The following PIAS2 variants were observed in gnomAD, a reference collection of about 807,000 sequenced individuals.
PIAS2 encodes the protein protein inhibitor of activated STAT 2.
Under a neutral mutation model 69.7 loss-of-function variants are expected in PIAS2, and 19 were observed. The ratio of observed to expected loss-of-function variants is 0.27; its 90% CI spans 0.19 to 0.40. The LOEUF (loss-of-function observed/expected upper bound fraction) is 0.40, where lower values mean the gene tolerates loss of function less well. Ranked by LOEUF, PIAS2 falls within the 10% of genes least tolerant of loss-of-function variation. The pLI is 1.00. For missense variants in PIAS2, 624 were observed against 757.0 expected (o/e 0.82, Z 2.06); for synonymous variants, 261 against 263.2 (o/e 0.99, Z 0.08).
At position 46,806,178 on chromosome 18, in the gene PIAS2, G is replaced by A. The variant is rs1054486099; in HGVS notation, c.*6255C>T. The A allele has an allele frequency of 2.6e-5, 4 of 151,964 alleles. No homozygotes were observed. Among genetic ancestry groups the A allele is most frequent in the Non-Finnish European group, 5.9e-5 (4 of 68,018 alleles). 9.4% of individuals were successfully genotyped at this position (151,964 alleles called of 1,614,324 possible). ...TTAACGTCACTTCAGTTTACGCAGAGAGCTTTTGGGGTAAGTCTAGGTCAG... is the reference window on the plus strand; with the variant it reads ...TTAACGTCACTTCAGTTTACGCAGAAAGCTTTTGGGGTAAGTCTAGGTCAG... On this transcript the variant is annotated 3_prime_UTR_variant, in exon 14 of 14. Coordinates refer to ENST00000585916, the MANE Select transcript of PIAS2 (RefSeq NM_004671.5).
intron 1 of PIAS2, among the ~76,000 whole-genome samples, chr18:46,911,488 T>A (rs1219952442): frequency 6.6e-6 from 1 of 152,064 alleles, no homozygotes; most frequent in Non-Finnish European, 1.5e-5. Context: ...AGTGCTGGGC[T>A]TACAGACGTG....
Position 46,804,123 on chromosome 18 carries a change from A to T in PIAS2, c.*8310T>A, listed in dbSNP as rs1599191738. The T allele has an allele frequency of 6.6e-6, 1 of 152,256 alleles. No individual in the cohort carries two copies. The highest frequency in any genetic ancestry group is 1.9e-4 in the East Asian group (1 of 5,184). The allele number at this position is 152,256 out of a possible 1,614,324, so 9.4% of individuals were successfully genotyped here. On this transcript the variant is annotated 3_prime_UTR_variant, in exon 14 of 14. Transcript: ENST00000585916. ...ATGGTTATCCACCATTTCTTCATCC[A>T]CCAATATTTACTGGGCACCTTCTAT...
intron 5 of PIAS2, among the ~76,000 whole-genome samples, chr18:46,850,098 T>C (rs550307201): frequency 6.6e-6 from 1 of 152,288 alleles, no homozygotes; most frequent in East Asian, 1.9e-4. Context: ...TGTTGAAAAT[T>C]TTAAACATAT....
chr18:46,818,618 CATAAAA>C (rs1257241592), intron 12 of PIAS2, among the ~76,000 whole-genome samples: 5 of 151,814 alleles, frequency 3.3e-5, no homozygotes, highest in African/African-American at 1.2e-4. Flanking sequence ...AAAAATTATG[CATAAAA>C]ATAAAACCAA....
At chr18:46,817,259 A>G in intron 12 of PIAS2, 3 of 984,302 alleles carry the variant, frequency 3.0e-6, no homozygotes, top group South Asian at 4.7e-5. Flanking sequence ...AGTATTGACA[A>G]TGGTGTTGGA....
At chr18:46,852,309 G>GA (rs2047083121) in intron 5 of PIAS2, among the ~76,000 whole-genome samples, 1 of 152,164 alleles carries the variant, frequency 6.6e-6, no homozygotes, top group Non-Finnish European at 1.5e-5. Flanking sequence ...GACTCTTTGG[G>GA]AAAGGCAGGC....
At chr18:46,915,152 C>A (rs997465877) in intron 1 of PIAS2, 27 of 151,992 alleles carry the variant, frequency 1.8e-4, no homozygotes, top group African/African-American at 6.0e-4. Context: ...GATTAAAAAT[C>A]TTAGCTTTTC....
At chr18:46,846,686 C>A in intron 6 of PIAS2, 21 bp downstream of exon 6, 1 of 1,600,058 alleles carries the variant, frequency 6.2e-7, no homozygotes, top group Non-Finnish European at 8.5e-7. Context: ...TGTCCTGCTA[C>A]CCAAAACGGA....
At chr18:46,821,135 T>C (rs2042128018) in intron 11 of PIAS2, 63 bp from the exon 12 acceptor site, 3 of 1,556,972 alleles carry the variant, frequency 1.9e-6, no homozygotes, top group African/African-American at 2.7e-5. Context: ...AGAGAAGAGC[T>C]GCACCACTGG....
chr18:46,824,692 T>C (rs944393088), intron 11 of PIAS2, among the ~76,000 whole-genome samples: 4 of 152,030 alleles, frequency 2.6e-5, no homozygotes, highest in Admixed American at 2.6e-4. Context: ...AAAATAATAA[T>C]ACCTCTTAAA....
intron 2 of PIAS2, among the ~76,000 whole-genome samples, chr18:46,885,905 T>C (rs1300358390): frequency 1.3e-5 from 2 of 152,214 alleles, no homozygotes. Flanking sequence ...AAAAGTTTTA[T>C]TTTAGTAAAT....
rs1024943091 is a variant in PIAS2, at chr18:46,803,753, A to T, written c.*8680T>A. The T allele has an allele frequency of 1.3e-5, 2 of 152,232 alleles. No individual in the cohort carries two copies. The highest frequency in any genetic ancestry group is 4.8e-5 in the African/African-American group (2 of 41,454). The allele number at this position is 152,232 out of a possible 1,614,324, so 9.4% of individuals were successfully genotyped here. ...ACCTGACCCAGATAAGGTGGTCCTC[A>T]GTACATAACCTAGAGTAGATCATAT... On this transcript the variant is annotated 3_prime_UTR_variant, in exon 14 of 14. Coordinates refer to ENST00000585916, the MANE Select transcript of PIAS2 (RefSeq NM_004671.5).
chr18:46,835,166 A>G (rs1220592827), intron 9 of PIAS2, among the ~76,000 whole-genome samples: 2 of 152,236 alleles, frequency 1.3e-5, no homozygotes, highest in African/African-American at 4.8e-5. Flanking sequence ...TAAAAATGGT[A>G]ATAATCATCT....
At chr18:46,894,242 C>T (rs1030423768) in intron 1 of PIAS2, among the ~76,000 whole-genome samples, 1 of 152,136 alleles carries the variant, frequency 6.6e-6, no homozygotes, top group Non-Finnish European at 1.5e-5. Flanking sequence ...CTTACCAGAT[C>T]CCACTTCCTC....
intron 2 of PIAS2, among the ~76,000 whole-genome samples, chr18:46,864,981 G>T (rs1188533481): frequency 6.6e-6 from 1 of 151,932 alleles, no homozygotes; most frequent in Non-Finnish European, 1.5e-5. Flanking sequence ...ACTCATATAA[G>T]AAAATTTTGA....
intron 13 of PIAS2, 110 bp from the exon 14 acceptor site, chr18:46,812,722 G>C: frequency 1.6e-6 from 1 of 618,906 alleles, no homozygotes; most frequent in Non-Finnish European, 2.8e-6. Flanking sequence ...TTAAATCCCA[G>C]TGGGATTTAA....
chr18:46,889,640 T>C (rs920350725), intron 2 of PIAS2, among the ~76,000 whole-genome samples: 1 of 151,900 alleles, frequency 6.6e-6, no homozygotes, highest in Non-Finnish European at 1.5e-5. Context: ...GAATGTAAAA[T>C]GCAGCTGCCA....
rs1172826829 is a variant in PIAS2, at chr18:46,812,282, T to C, written c.*151A>G. Reference sequence around the variant, plus strand: ...TCATTTGGTTCTTGTTGCAGTCTTCTGTGTTCACCCCTCAGAAAGCAAAAG... The same window carrying C: ...TCATTTGGTTCTTGTTGCAGTCTTCCGTGTTCACCCCTCAGAAAGCAAAAG... On this transcript the variant is annotated 3_prime_UTR_variant, in exon 14 of 14. Transcript: ENST00000585916. 3.5e-6 allele frequency: 2 copies of C among 564,346 alleles called. No individual in the cohort carries two copies. Among genetic ancestry groups the C allele is most frequent in the Non-Finnish European group, 6.3e-6 (2 of 319,032 alleles). The allele number at this position is 564,346 out of a possible 1,614,324, so 35.0% of individuals were successfully genotyped here.
rs1388396422 is a variant in PIAS2, at chr18:46,821,158, G to A, written c.1509-86C>T. On this transcript the variant is annotated intron_variant, in intron 11 of 13. Coordinates refer to ENST00000585916, the MANE Select transcript of PIAS2 (RefSeq NM_004671.5). ...GCTGCACCACTGGGCATTCTCAGTC[G>A]TTCGTTCACCAGTTTCAGCACAACT... The A allele has an allele frequency of 3.4e-5, 47 of 1,399,608 alleles. No individual in the cohort carries two copies. In the South Asian group the frequency reaches 4.2e-4, roughly 12 times the overall value. The allele number at this position is 1,399,608 out of a possible 1,614,324, so 86.7% of individuals were successfully genotyped here.
Sources: allele counts gnomAD v4.1 joint callset (sites outside exome capture counted in the v4.1 genomes callset), GRCh38; gene constraint gnomAD v4.1.1; transcripts MANE v1.5; gene names NCBI Gene and HGNC (gene_info 2026-07-23, HGNC 2026-07-21).